The following EXOC4 variants were observed in gnomAD, a reference collection of about 807,000 sequenced individuals.
EXOC4 encodes SEC8-like 1.
A neutral mutation model predicts 107.2 loss-of-function variants in EXOC4; 71 were observed. That is an observed-to-expected ratio of 0.66 (90% confidence interval 0.55 to 0.81). The LOEUF (loss-of-function observed/expected upper bound fraction) is 0.81, where lower values mean the gene tolerates loss of function less well. Ranked by LOEUF, EXOC4 falls within the 30% of genes least tolerant of loss-of-function variation. The pLI, the probability that EXOC4 is intolerant of heterozygous loss-of-function variation, is 0.00. For synonymous variants in EXOC4, 456 were observed against 441.2 expected, an observed-to-expected ratio of 1.03 and a Z score of -0.42; for missense variants, 1,108 against 1,189.6, an observed-to-expected ratio of 0.93 and a Z score of 1.01.
At chr7:133,311,214 T>C (rs1225004484) in intron 4 of EXOC4, among the ~76,000 whole-genome samples, 1 of 152,122 alleles carries the variant, frequency 6.6e-6, no homozygotes, top group Non-Finnish European at 1.5e-5. Context: ...GTAAGAATTG[T>C]TTAAAAGAAT....
At chr7:133,889,446 A>G (rs1287601172) in intron 11 of EXOC4, among the ~76,000 whole-genome samples, 1 of 149,200 alleles carries the variant, frequency 6.7e-6, no homozygotes, top group Non-Finnish European at 1.5e-5. Context: ...TTATACTTTA[A>G]GTTTTAGGGT....
chr7:133,266,556 T>C (rs1401160078), intron 1 of EXOC4, among the ~76,000 whole-genome samples: 1 of 152,246 alleles, frequency 6.6e-6, no homozygotes, highest in African/African-American at 2.4e-5. Flanking sequence ...TGCATGCTTT[T>C]CTGGCTTATA....
chr7:133,275,835 T>C (rs1180614085), intron 2 of EXOC4, among the ~76,000 whole-genome samples: 1 of 151,630 alleles, frequency 6.6e-6, no homozygotes, highest in Non-Finnish European at 1.5e-5. Context: ...TTTTTTAGAG[T>C]TGGAGCCTTG....
At chr7:133,344,377 C>T (rs1795736175) in intron 5 of EXOC4, among the ~76,000 whole-genome samples, 1 of 152,092 alleles carries the variant, frequency 6.6e-6, no homozygotes, top group Admixed American at 6.6e-5. Flanking sequence ...AATAATACTT[C>T]AGTATGAGTC....
intron 9 of EXOC4, among the ~76,000 whole-genome samples, chr7:133,511,840 A>G (rs1249808490): frequency 2.7e-5 from 4 of 149,546 alleles, no homozygotes; most frequent in Admixed American, 6.7e-5. Flanking sequence ...AAGTATAATC[A>G]TTGTAGAGCA....
At chr7:133,793,985 C>T (rs1796760249) in intron 10 of EXOC4, among the ~76,000 whole-genome samples, 1 of 152,194 alleles carries the variant, frequency 6.6e-6, no homozygotes, top group Non-Finnish European at 1.5e-5. Context: ...TTCAGCCTTA[C>T]ATTACCCTTC....
intron 9 of EXOC4, among the ~76,000 whole-genome samples, chr7:133,621,541 G>A (rs966143038): frequency 2.0e-5 from 3 of 152,176 alleles, no homozygotes; most frequent in African/African-American, 7.2e-5. Context: ...ACATACACGT[G>A]ACATGCTGTT....
intron 13 of EXOC4, among the ~76,000 whole-genome samples, chr7:133,920,385 A>G (rs1323601725): frequency 2.0e-5 from 3 of 152,164 alleles, no homozygotes; most frequent in Non-Finnish European, 2.9e-5. Flanking sequence ...TAAGTCCAAC[A>G]TATTTTTGTG....
At chr7:133,346,060 G>T (rs1795777039) in intron 5 of EXOC4, among the ~76,000 whole-genome samples, 1 of 152,158 alleles carries the variant, frequency 6.6e-6, no homozygotes, top group African/African-American at 2.4e-5. Context: ...GCATTAATTA[G>T]AATAAAAGAT....
chr7:133,525,059 A>G (rs568847062), intron 9 of EXOC4, among the ~76,000 whole-genome samples: 19 of 152,316 alleles, frequency 1.2e-4, no homozygotes, highest in African/African-American at 3.8e-4. Flanking sequence ...GACATCTTGT[A>G]AGTGTAACAT....
chr7:133,352,443 G>A (rs1462595325), intron 5 of EXOC4, among the ~76,000 whole-genome samples: 2 of 151,242 alleles, frequency 1.3e-5, no homozygotes, highest in African/African-American at 4.9e-5. Context: ...ATCTTTTTTT[G>A]ATTTAAAGTC....
chr7:133,879,261 A>G (rs959944979), intron 11 of EXOC4, among the ~76,000 whole-genome samples: 1 of 151,456 alleles, frequency 6.6e-6, no homozygotes, highest in Non-Finnish European at 1.5e-5. Context: ...CATCCAGCTA[A>G]TTTTTCTGTT....
intron 11 of EXOC4, among the ~76,000 whole-genome samples, chr7:133,824,597 T>TA (rs1237969895): frequency 6.6e-6 from 1 of 152,206 alleles, no homozygotes; most frequent in Admixed American, 6.5e-5. Context: ...GCTGCCATGA[T>TA]AAATTACCGT....
intron 7 of EXOC4, among the ~76,000 whole-genome samples, chr7:133,436,098 C>T (rs718656): frequency 0.77 from 115,796 of 149,576 alleles, 45,390 homozygotes; most frequent in East Asian, 0.95. Flanking sequence ...TCTTGCTATT[C>T]ATTTCAAGAA....
At chr7:133,618,828 C>T (rs1802257230) in intron 9 of EXOC4, among the ~76,000 whole-genome samples, 1 of 151,896 alleles carries the variant, frequency 6.6e-6, no homozygotes, top group Non-Finnish European at 1.5e-5. Flanking sequence ...TTATTTTTGT[C>T]AATTATTTAT....
intron 11 of EXOC4, 83 bp from the exon 12 acceptor site, chr7:133,895,516 T>G (rs1218309649): frequency 7.2e-7 from 1 of 1,387,096 alleles, no homozygotes; most frequent in Non-Finnish European, 1.0e-6. Flanking sequence ...TACCTTAAAT[T>G]ATGACATACT....
At chr7:133,701,464 T>A (rs986968649) in intron 10 of EXOC4, among the ~76,000 whole-genome samples, 9 of 152,276 alleles carry the variant, frequency 5.9e-5, no homozygotes, top group Non-Finnish European at 1.3e-4. Flanking sequence ...GGTTGTTGGT[T>A]AGAGTGATTC....
At chr7:133,834,271 TG>T (rs2151241337) in intron 11 of EXOC4, among the ~76,000 whole-genome samples, 1 of 152,340 alleles carries the variant, frequency 6.6e-6, no homozygotes, top group African/African-American at 2.4e-5. Flanking sequence ...TTATCAGTAC[TG>T]GCTCACATTC....
chr7:133,350,265 C>A (rs1224025030), intron 5 of EXOC4, among the ~76,000 whole-genome samples: 1 of 151,972 alleles, frequency 6.6e-6, no homozygotes, highest in Non-Finnish European at 1.5e-5. Context: ...TGTCATAAAG[C>A]TTTTGCCCTG....
Sources: gnomAD v4.1 joint callset for allele counts (sites outside exome capture counted in the v4.1 genomes callset) on GRCh38, gnomAD v4.1.1 for gene constraint, MANE v1.5 for transcripts, NCBI Gene and HGNC (gene_info 2026-07-23, HGNC 2026-07-21) for gene names.